MTAP: variants seen among roughly 807,000 people sequenced by gnomAD.
The protein encoded by MTAP is S-methyl-5'-thioadenosine phosphorylase.
MTAP carries 33 observed loss-of-function variants against 33.6 expected under a neutral mutation model. The ratio of observed to expected loss-of-function variants is 0.98; its 90% CI spans 0.74 to 1.31. MTAP has a LOEUF of 1.31. Among genes scored for constraint, MTAP ranks in the 40% most tolerant of loss-of-function variants. The pLI is 0.00. For missense variants in MTAP, 367 were observed against 360.0 expected, an observed-to-expected ratio of 1.02 and a Z score of -0.16; for synonymous variants, 148 against 125.7, an observed-to-expected ratio of 1.18 and a Z score of -1.19.
intron 1 of MTAP, among the ~76,000 whole-genome samples, chr9:21,896,131 G>A (rs915620499): frequency 6.6e-6 from 1 of 152,130 alleles, no homozygotes; most frequent in Admixed American, 6.5e-5. Context: ...TCAACTACAT[G>A]GAAACTGAAC....
chr9:21,803,154 C>A, intron 1 of MTAP: 3 of 417,814 alleles, frequency 7.2e-6, no homozygotes, highest in Non-Finnish European at 1.2e-5. Context: ...AACCACTCTT[C>A]TTCCAAGAAA....
chr9:21,938,516 T>G (rs982610398), downstream of MTAP, among the ~76,000 whole-genome samples: 2 of 151,616 alleles, frequency 1.3e-5, no homozygotes, highest in African/African-American at 2.4e-5. Flanking sequence ...CAAATAAGGG[T>G]GATGTTTAAC....
intron 4 of MTAP, among the ~76,000 whole-genome samples, chr9:21,819,107 G>T (rs1329253747): frequency 6.7e-6 from 1 of 149,842 alleles, no homozygotes; most frequent in Non-Finnish European, 1.5e-5. Context: ...AGGCTAAATG[G>T]TATTCTGTTG....
chr9:21,830,500 T>A (rs576222308), intron 4 of MTAP, among the ~76,000 whole-genome samples: 2 of 152,042 alleles, frequency 1.3e-5, no homozygotes, highest in Non-Finnish European at 2.9e-5. Flanking sequence ...TGGTTAGGAG[T>A]GGGATTTGTT....
chr9:21,886,606 G>A (rs189437934), intron 1 of MTAP, among the ~76,000 whole-genome samples: 83 of 152,140 alleles, frequency 5.5e-4, no homozygotes, highest in Admixed American at 2.6e-3. Context: ...ATCTTGAGTT[G>A]ACTTTTGCAT....
At chr9:21,826,388 T>C (rs7029287) in intron 4 of MTAP, among the ~76,000 whole-genome samples, 29,094 of 151,474 alleles carry the variant, frequency 0.19, 3,637 homozygotes, top group African/African-American at 0.35. Flanking sequence ...TTTTACTGCC[T>C]ATCCACATTC....
At chr9:21,869,966 C>A (rs1825912134), downstream of MTAP, among the ~76,000 whole-genome samples, 1 of 152,214 alleles carries the variant, frequency 6.6e-6, no homozygotes, top group Non-Finnish European at 1.5e-5. Flanking sequence ...GACTTCCTCT[C>A]ACTACTGTCC....
At chr9:21,828,725 A>G (rs1824887408) in intron 4 of MTAP, among the ~76,000 whole-genome samples, 1 of 152,192 alleles carries the variant, frequency 6.6e-6, no homozygotes, top group South Asian at 2.1e-4. Flanking sequence ...TGAAATCTCA[A>G]TTTTTACATT....
intron 5 of MTAP, among the ~76,000 whole-genome samples, chr9:21,842,872 G>T (rs554638090): frequency 6.6e-6 from 1 of 152,166 alleles, no homozygotes; most frequent in African/African-American, 2.4e-5. Flanking sequence ...ACGTCTTTAG[G>T]CAAAAGCTAG....
intron 4 of MTAP, among the ~76,000 whole-genome samples, chr9:21,830,185 A>G (rs192483627): frequency 8.6e-4 from 131 of 152,354 alleles, no homozygotes; most frequent in Non-Finnish European, 7.3e-5. Context: ...TTGGTCTAGA[A>G]CTTAAATTCC....
In MTAP at chr9:21,837,887, CT is replaced by C. The variant is rs776624655; in HGVS notation, c.348-15del. On this transcript the variant is annotated intron_variant, in intron 4 of 7. Coordinates refer to ENST00000644715, the MANE Select transcript of MTAP (RefSeq NM_002451.4). ...GCCTTAAAATAAAACAAACAAAAAC[CT>C]TTTTTGCTTTATTTTGTAGGACCAC... The C allele has an allele frequency of 4.3e-5, 69 of 1,597,648 alleles. No homozygotes were observed. The South Asian group carries it at 6.2e-4, about 14-fold the overall frequency.
intron 1 of MTAP, among the ~76,000 whole-genome samples, chr9:21,880,727 T>C (rs1474644054): frequency 3.9e-5 from 6 of 152,094 alleles, no homozygotes; most frequent in African/African-American, 1.4e-4. Flanking sequence ...GCTTGTCCAC[T>C]GCAAACTACA....
At chr9:21,844,860 T>C (rs1825339111) in intron 5 of MTAP, among the ~76,000 whole-genome samples, 1 of 151,962 alleles carries the variant, frequency 6.6e-6, no homozygotes, top group Admixed American at 6.5e-5. Flanking sequence ...TGAAACCCCA[T>C]CTCTACTAAA....
intron 1 of MTAP, among the ~76,000 whole-genome samples, chr9:21,885,392 C>G (rs959352751): frequency 6.6e-6 from 1 of 152,116 alleles, no homozygotes; most frequent in African/African-American, 2.4e-5. Flanking sequence ...CCCCAAGATT[C>G]TGATTCAGTA....
chr9:21,892,089 C>A (rs1477108897), intron 1 of MTAP: 1 of 152,142 alleles, frequency 6.6e-6, no homozygotes, highest in South Asian at 2.1e-4. Context: ...GAATTTGTTA[C>A]CATCAGACTT....
At chr9:21,811,381 A>C (rs1425363938) in intron 1 of MTAP, among the ~76,000 whole-genome samples, 1 of 152,200 alleles carries the variant, frequency 6.6e-6, no homozygotes, top group Admixed American at 6.5e-5. Flanking sequence ...GTGAACTGGT[A>C]TTTGGATAAA....
intron 1 of MTAP, among the ~76,000 whole-genome samples, chr9:21,872,115 C>G (rs948141966): frequency 1.6e-4 from 24 of 152,102 alleles, no homozygotes; most frequent in African/African-American, 5.8e-4. Context: ...GAGTTGAACA[C>G]CAGCCTGGCC....
At chr9:21,883,574 TAATA>T (rs1818052565) in intron 1 of MTAP, among the ~76,000 whole-genome samples, 8 of 151,852 alleles carry the variant, frequency 5.3e-5, no homozygotes, top group Non-Finnish European at 1.2e-4. Flanking sequence ...ATATCAGACT[TAATA>T]CCTATGATTA....
chr9:21,814,345 T>A (rs1297415247), intron 1 of MTAP, among the ~76,000 whole-genome samples: 1 of 152,202 alleles, frequency 6.6e-6, no homozygotes, highest in Non-Finnish European at 1.5e-5. Flanking sequence ...AATCCTGGAA[T>A]TTTTTTCTTG....
Sources: gnomAD v4.1 joint callset for allele counts (sites outside exome capture counted in the v4.1 genomes callset) on GRCh38, gnomAD v4.1.1 for gene constraint, MANE v1.5 for transcripts, NCBI Gene and HGNC (gene_info 2026-07-23, HGNC 2026-07-21) for gene names.